SLC12A5: variants seen among roughly 807,000 people sequenced by gnomAD.
SLC12A5 encodes the protein solute carrier family 12 member 5.
Under a neutral mutation model 124.0 loss-of-function variants are expected in SLC12A5, and 18 were observed. That is an observed-to-expected ratio of 0.15 (90% confidence interval 0.10 to 0.22). The LOEUF (loss-of-function observed/expected upper bound fraction) is 0.22, where lower values mean the gene tolerates loss of function less well. Among genes scored for constraint, SLC12A5 ranks in the 10% least tolerant of loss-of-function variants. SLC12A5 has a pLI of 1.00. For synonymous variants in SLC12A5, 589 were observed against 568.0 expected, an observed-to-expected ratio of 1.04 and a Z score of -0.53; for missense variants, 867 against 1,478.7, an observed-to-expected ratio of 0.59 and a Z score of 6.78.
rs145169941 is a variant in SLC12A5 at position 46,045,851 on chromosome 20, G to A, written c.1570-27G>A. On this transcript the variant is annotated intron_variant, in intron 12 of 25. Transcript: ENST00000243964. The surrounding 1 kb of genome is among the most constrained non-coding windows in gnomAD (Gnocchi z 4.9). The stretch of plus-strand genomic sequence containing the variant: ...GGGCTGAGAAATCCTTGAGGTCTCA[G>A]TCCCATGATGATTGCTCTTTCCCCA... 8.5e-5 allele frequency: 135 copies of A among 1,596,576 alleles called. No homozygotes were observed. The highest frequency in any genetic ancestry group is 1.0e-4 in the Non-Finnish European group (122 of 1,164,424).
chr20:46,038,767 C>CA (rs1392645288), intron 6 of SLC12A5, among the ~76,000 whole-genome samples: 1 of 152,116 alleles, frequency 6.6e-6, no homozygotes, highest in Non-Finnish European at 1.5e-5. Flanking sequence ...AAATATTCAC[C>CA]AAACGCCTAC....
intron 21 of SLC12A5, 84 bp downstream of exon 21, chr20:46,055,107 C>T: frequency 2.1e-6 from 2 of 934,600 alleles, no homozygotes; most frequent in East Asian, 2.5e-5. Flanking sequence ...AGGGCTGACA[C>T]TCCTGGCATT....
At position 46,043,878 on chromosome 20, in the gene SLC12A5, A is replaced by G; in HGVS notation, c.1339A>G (p.Ile447Val). The G allele has an allele frequency of 6.2e-7, 1 of 1,613,416 alleles. No homozygotes were observed. Among genetic ancestry groups the G allele is most frequent in the Non-Finnish European group, 8.5e-7 (1 of 1,179,730 alleles). ...LAIATTSAVY[I>V]SSVVLFGACI... ...TTCTCCTTTATCCTCTGCTGCAGAC[A>G]TCAGCTCCGTTGTTCTGTTTGGGGC... The change falls in exon 11 of 26, where the codon ATC becomes GTC. Residue 447 changes from isoleucine to valine, a missense_variant and splice_region_variant. Physicochemically the swap from Ile to Val is conservative, Grantham distance 29. Coordinates refer to ENST00000243964, the MANE Select transcript of SLC12A5 (RefSeq NM_020708.5).
chr20:46,030,627 C>A (rs530121811), intron 1 of SLC12A5, among the ~76,000 whole-genome samples: 7 of 152,350 alleles, frequency 4.6e-5, no homozygotes, highest in African/African-American at 1.4e-4. Flanking sequence ...CTGCTTGACC[C>A]TATGAGCCTA....
chr20:46,045,265 C>T lies in SLC12A5; in HGVS notation c.1569+125C>T, dbSNP rs2084584777. On this transcript the variant is annotated intron_variant, in intron 12 of 25. Transcript: ENST00000243964. This position sits in a 1 kb window ranked among gnomAD's most constrained non-coding sequence, Gnocchi z 4.9. ...CCTCCTGGGCCACTTCTGCTCTGTA[C>T]TGCACTGGCCAGGCCTATCTGGCAG... is the stretch of plus-strand genomic sequence containing the variant. The T allele has an allele frequency of 3.5e-6, 4 of 1,149,702 alleles. No individual in the cohort carries two copies. The highest frequency in any genetic ancestry group is 5.3e-5 in the East Asian group (2 of 38,014). 71.2% of individuals were successfully genotyped at this position (1,149,702 alleles called of 1,614,324 possible).
Position 46,036,680 on chromosome 20 carries a change from C to T in SLC12A5, c.427-61C>T, listed in dbSNP as rs530278963. The T allele has an allele frequency of 1.1e-5, 17 of 1,587,052 alleles. No homozygotes were observed. In the African/African-American group the frequency reaches 1.5e-4, roughly 14 times the overall value. On this transcript the variant is annotated intron_variant, in intron 4 of 25. Coordinates refer to ENST00000243964, the MANE Select transcript of SLC12A5 (RefSeq NM_020708.5). ...TGTTTATGGGGTATAAGGCTTGGCC[C>T]CCACCCAGGCCACTGCGGCCCCTAC...
chr20:46,029,443 G>C (rs1235852211), intron 1 of SLC12A5, 47 bp downstream of exon 1: 1 of 1,538,990 alleles, frequency 6.5e-7, no homozygotes, highest in Non-Finnish European at 8.8e-7. Context: ...GCGAGGAGAG[G>C]AGGCAGCTCT....
chr20:46,057,534 C>A lies in SLC12A5; in HGVS notation c.3280C>A (p.Leu1094Ile), dbSNP rs2084707799. 1 of 1,614,038 alleles carries A rather than the reference C, an allele frequency of 6.2e-7. No homozygotes were observed. The highest frequency in any genetic ancestry group is 8.5e-7 in the Non-Finnish European group (1 of 1,180,028). Reference protein sequence around the residue: ...DENYMEFLEVLTEHLDRVMLV... With the variant: ...DENYMEFLEVITEHLDRVMLV... ...CTCAGACATGGAGTTTCTCGAGGTC[C>A]TCACAGAGCACCTGGACCGGGTGAT... Residue 1094 changes from leucine (L) to isoleucine (I), a missense_variant, in exon 26 of 26, where the codon CTC becomes ATC. By Grantham distance (5) the Leu-to-Ile change is conservative. Coordinates refer to ENST00000243964, the MANE Select transcript of SLC12A5 (RefSeq NM_020708.5). This position sits in a 1 kb window ranked among gnomAD's most constrained non-coding sequence, Gnocchi z 7.1.
At chr20:46,032,411 G>T (rs974169693) in intron 1 of SLC12A5, among the ~76,000 whole-genome samples, 3 of 152,254 alleles carry the variant, frequency 2.0e-5, no homozygotes, top group Admixed American at 2.0e-4. Flanking sequence ...CTCCATAGGA[G>T]ACAGGACCCC....
Position 46,029,274 on chromosome 20 carries a change from CGGCGAAGGCGGGTAGAGG to C in SLC12A5, c.-66_-49del, listed in dbSNP as rs1357497803. On this transcript the variant is annotated 5_prime_UTR_variant, in exon 1 of 26. Coordinates refer to ENST00000243964, the MANE Select transcript of SLC12A5 (RefSeq NM_020708.5). ...GACAGAGCTACAGCGAACGAGAGAG[CGGCGAAGGCGGGTAGAGG>C]GGCGCGGGCGAGGCGGCGCAGCCAT... 1.0e-5 allele frequency: 15 copies of C among 1,503,466 alleles called. No individual in the cohort carries two copies. The highest frequency in any genetic ancestry group is 1.3e-5 in the Non-Finnish European group (15 of 1,126,848). The allele number at this position is 1,503,466 out of a possible 1,614,324, so 93.1% of individuals were successfully genotyped here.
upstream of SLC12A5, among the ~76,000 whole-genome samples, chr20:46,025,463 T>C (rs367583761): frequency 2.4e-4 from 36 of 152,266 alleles, no homozygotes; most frequent in African/African-American, 7.7e-4. Context: ...TGCTCTCTCT[T>C]TCTCTCTCAT....
Position 46,043,509 on chromosome 20 carries a change from AC to A in SLC12A5, c.1238-123del, listed in dbSNP as rs2084566703. 175 of 1,203,818 alleles carry A rather than the reference AC, an allele frequency of 1.5e-4. 3 individuals carry two copies. In the South Asian group the frequency reaches 2.3e-3, roughly 16 times the overall value. 74.6% of individuals were successfully genotyped at this position (1,203,818 alleles called of 1,614,324 possible). ...AGCTAAGTAACATGTCCAAGGTCTC[AC>A]ACAAGCCAGTATGTTAGGACTAGAT... is the stretch of plus-strand genomic sequence containing the variant. On this transcript the variant is annotated intron_variant, in intron 9 of 25. Transcript: ENST00000243964.
chr20:46,037,591 T>A (rs1271932996), intron 6 of SLC12A5, among the ~76,000 whole-genome samples: 1 of 152,190 alleles, frequency 6.6e-6, no homozygotes, highest in Non-Finnish European at 1.5e-5. Flanking sequence ...TACACAGCTG[T>A]CGTTTATCAG....
chr20:46,026,107 C>G (rs1262952308), upstream of SLC12A5, among the ~76,000 whole-genome samples: 1 of 152,158 alleles, frequency 6.6e-6, no homozygotes, highest in Non-Finnish European at 1.5e-5. Flanking sequence ...AAATATGAAC[C>G]TTTCCATTTT....
intron 1 of SLC12A5, among the ~76,000 whole-genome samples, chr20:46,034,346 A>G (rs1209865155): frequency 1.3e-5 from 2 of 152,198 alleles, no homozygotes; most frequent in Non-Finnish European, 2.9e-5. Flanking sequence ...CTATCCTAGA[A>G]TTGACCATGC....
intron 15 of SLC12A5, among the ~76,000 whole-genome samples, 176 bp downstream of exon 15, chr20:46,047,749 G>T (rs73112825): frequency 3.3e-5 from 5 of 152,026 alleles, no homozygotes; most frequent in African/African-American, 2.4e-5. Context: ...AAGATGGGGG[G>T]TGGGAGCAGA....
chr20:46,031,725 C>G (rs906013502), intron 1 of SLC12A5, among the ~76,000 whole-genome samples: 1 of 152,180 alleles, frequency 6.6e-6, no homozygotes, highest in African/African-American at 2.4e-5. Flanking sequence ...TGTTTCCTCC[C>G]CGGGAGCTCT....
intron 14 of SLC12A5, 96 bp downstream of exon 14, chr20:46,046,532 C>A (rs925066091): frequency 5.3e-5 from 57 of 1,076,702 alleles, no homozygotes; most frequent in Middle Eastern, 5.3e-4. Context: ...GTCTAAGGAC[C>A]CCAAACCTGA....
intron 18 of SLC12A5, 103 bp from the exon 19 acceptor site, chr20:46,052,854 G>T: frequency 1.5e-6 from 2 of 1,297,418 alleles, no homozygotes; most frequent in Non-Finnish European, 2.1e-6. Flanking sequence ...CAGTTGGAGT[G>T]GGGTGGAGTG....
Sources: gnomAD v4.1 joint callset for allele counts (sites outside exome capture counted in the v4.1 genomes callset) on GRCh38, gnomAD v4.1.1 for gene constraint, Gnocchi (gnomAD v3.1) non-coding constraint, MANE v1.5 for transcripts, NCBI Gene and HGNC (gene_info 2026-07-23, HGNC 2026-07-21) for gene names.